CFHR5: variants seen among roughly 807,000 people sequenced by gnomAD.
The protein encoded by CFHR5 is complement factor H-related protein 5.
Under a neutral mutation model 62.9 loss-of-function variants are expected in CFHR5, and 73 were observed. The observed-to-expected ratio is 1.16, with a 90% CI of 0.96 to 1.41. CFHR5 has a LOEUF of 1.41. CFHR5 is among the 40% of genes most tolerant of loss of function. CFHR5 has a pLI of 0.00. For synonymous variants in CFHR5, 249 were observed against 227.2 expected (o/e 1.10, Z -0.86); for missense variants, 779 against 679.9 (o/e 1.15, Z -1.62).
At chr1:196,983,500 T>C (rs1443495005) in intron 2 of CFHR5, among the ~76,000 whole-genome samples, 1 of 152,170 alleles carries the variant, frequency 6.6e-6, no homozygotes, top group Non-Finnish European at 1.5e-5. Flanking sequence ...CAATAAATCA[T>C]TTATTTGGTC....
upstream of CFHR5, among the ~76,000 whole-genome samples, chr1:196,976,699 C>G (rs1244897618): frequency 6.6e-6 from 1 of 151,936 alleles, no homozygotes; most frequent in Non-Finnish European, 1.5e-5. Context: ...TACCAAGACC[C>G]TCACATAGCC....
At chr1:196,991,031 A>T (rs1452953608) in intron 3 of CFHR5, among the ~76,000 whole-genome samples, 1 of 151,130 alleles carries the variant, frequency 6.6e-6, no homozygotes, top group East Asian at 1.9e-4. Flanking sequence ...TTTTTCACAT[A>T]GTCCCATATT....
intron 8 of CFHR5, among the ~76,000 whole-genome samples, chr1:197,003,548 C>G (rs1011837420): frequency 6.6e-6 from 1 of 152,136 alleles, no homozygotes; most frequent in Non-Finnish European, 1.5e-5. Flanking sequence ...TATTACTTGA[C>G]AAAACATCAG....
intron 9 of CFHR5, among the ~76,000 whole-genome samples, chr1:197,006,590 T>C (rs1315078695): frequency 6.6e-6 from 1 of 151,358 alleles, no homozygotes; most frequent in Non-Finnish European, 1.5e-5. Context: ...CACGTGCCTG[T>C]AATCTCAGCT....
Position 196,984,029 on chromosome 1 carries a change from G to T in CFHR5, c.322G>T (p.Asp108Tyr), listed in dbSNP as rs753650925. The change falls in exon 3 of 10, where the codon GAT (aspartate) becomes TAT (tyrosine). Residue 108 changes from aspartate to tyrosine, a missense_variant. Transcript: ENST00000256785. ...ESSGLIHLEG[D>Y]TVQIICNTGY... ...TTCAGGACTAATACATCTGGAAGGT[G>T]ATACTGTACAAATTATTTGCAACAC... 4.4e-5 allele frequency: 71 copies of T among 1,612,584 alleles called. No homozygotes were observed.
Position 196,999,704 on chromosome 1 carries a change from T to TAA in CFHR5, c.1147+1401_1147+1402insAA, listed in dbSNP as rs1558288940. 4.5e-3 allele frequency among the ~76,000 whole-genome samples: 233 copies of TAA among 51,872 alleles called. 3 individuals are homozygous for TAA. The highest frequency in any genetic ancestry group is 0.011 in the African/African-American group (223 of 19,544). 34.0% of individuals were successfully genotyped at this position (51,872 alleles called of 152,430 possible). The stretch of plus-strand genomic sequence containing the variant: ...AAAAGTATATATATATATATATATA[T>TAA]ATATATATATATATATATACACACA... On this transcript the variant is annotated intron_variant, in intron 7 of 9. Transcript: ENST00000256785.
upstream of CFHR5, among the ~76,000 whole-genome samples, chr1:196,975,987 G>A (rs1454484886): frequency 2.6e-5 from 4 of 152,088 alleles, no homozygotes. Flanking sequence ...GAAGAGAATA[G>A]TGAAAAAGTG....
At chr1:196,992,951 A>G (rs1376857651) in intron 3 of CFHR5, among the ~76,000 whole-genome samples, 1 of 152,150 alleles carries the variant, frequency 6.6e-6, no homozygotes, top group Non-Finnish European at 1.5e-5. Flanking sequence ...TGTATGCTTG[A>G]TTTATTCAGA....
chr1:196,984,184 T>G, intron 3 of CFHR5, 47 bp downstream of exon 3: 4 of 1,471,704 alleles, frequency 2.7e-6, no homozygotes, highest in Non-Finnish European at 3.8e-6. Flanking sequence ...TTTAAAGAAA[T>G]AAATCTATAG....
At chr1:197,008,406 C>T in intron 9 of CFHR5, 81 bp from the exon 10 acceptor site, 2 of 751,374 alleles carry the variant, frequency 2.7e-6, no homozygotes, top group Non-Finnish European at 3.9e-6. Flanking sequence ...CCAAAATATT[C>T]TTAAATGCAA....
chr1:196,980,358 C>G (rs1459797046), intron 1 of CFHR5, among the ~76,000 whole-genome samples: 1 of 151,930 alleles, frequency 6.6e-6, no homozygotes, highest in African/African-American at 2.4e-5. Context: ...GTATTGTGTA[C>G]TATACATAAT....
chr1:196,996,623 A>T (rs1387117310), intron 6 of CFHR5, among the ~76,000 whole-genome samples: 1 of 151,998 alleles, frequency 6.6e-6, no homozygotes, highest in Non-Finnish European at 1.5e-5. Flanking sequence ...CTTTTATTTC[A>T]TTGCTTTAAC....
chr1:197,001,188 T>C (rs1157560480), intron 7 of CFHR5, among the ~76,000 whole-genome samples: 1 of 152,152 alleles, frequency 6.6e-6, no homozygotes, highest in Non-Finnish European at 1.5e-5. Context: ...ACGAGTCATA[T>C]AAAACATAAA....
In CFHR5 at chr1:197,006,930, G is replaced by A. The variant is rs1487043920; in HGVS notation, c.1514-1557G>A. 5.3e-5 allele frequency among the ~76,000 whole-genome samples: 8 copies of A among 149,726 alleles called. No homozygotes were observed. In the Admixed American group the frequency reaches 5.4e-4, roughly 10 times the overall value. The stretch of plus-strand genomic sequence containing the variant: ...CGGCTCATTGCAACCTCCGCCTCCT[G>A]GGTTCAAGCGATTCTCCTGCCTCAG... On this transcript the variant is annotated intron_variant, in intron 9 of 9. Transcript: ENST00000256785.
At chr1:196,980,874 AC>A (rs1653525489) in intron 1 of CFHR5, among the ~76,000 whole-genome samples, 1 of 152,258 alleles carries the variant, frequency 6.6e-6, no homozygotes, top group East Asian at 1.9e-4. Context: ...ATATGTAAGT[AC>A]ATATGCATGA....
rs12039272 is a variant in CFHR5, at chr1:196,988,170, T to C, written c.430+4033T>C. Among the ~76,000 whole-genome samples, 436 of 152,292 alleles carry C rather than the reference T, an allele frequency of 2.9e-3. 12 individuals are homozygous for C. In the East Asian group the frequency reaches 0.043, roughly 15 times the overall value. ...TTCACTCATGATTTGGCTCTCTGTC[T>C]GTCTGTTATTGGTGTATAGGAATGC... On this transcript the variant is annotated intron_variant, in intron 3 of 9. Transcript: ENST00000256785.
At chr1:196,990,056 G>T (rs959120095) in intron 3 of CFHR5, among the ~76,000 whole-genome samples, 11 of 152,056 alleles carry the variant, frequency 7.2e-5, no homozygotes, top group African/African-American at 2.6e-4. Flanking sequence ...GGGTTCTCCT[G>T]TTGGGTGCAT....
chr1:196,998,223 C>T lies in CFHR5; in HGVS notation c.1066C>T (p.Arg356Cys), dbSNP rs747163679. Residue 356 changes from arginine (R) to cysteine (C), a missense_variant, in exon 7 of 10, where the codon CGT becomes TGT. Arg to Cys is a radical substitution (Grantham distance 180). Transcript: ENST00000256785. ...GKEFNHNSRI[R>C]YRCSDIFRYR... Reference sequence around the variant, plus strand: ...AGAATTTAATCATAATTCTAGAATACGTTACAGATGTTCAGACATCTTCAG... The same window carrying T: ...AGAATTTAATCATAATTCTAGAATATGTTACAGATGTTCAGACATCTTCAG... 61 of 1,609,364 alleles carry T rather than the reference C, an allele frequency of 3.8e-5. No individual in the cohort carries two copies. The highest frequency in any genetic ancestry group is 1.6e-4 in the Middle Eastern group (1 of 6,064).
chr1:196,983,479 T>G (rs548762274), intron 2 of CFHR5, among the ~76,000 whole-genome samples: 6 of 152,322 alleles, frequency 3.9e-5, no homozygotes, highest in African/African-American at 1.4e-4. Flanking sequence ...GTATTTTAAC[T>G]TTTATATTTT....
Sources: allele counts gnomAD v4.1 joint callset (sites outside exome capture counted in the v4.1 genomes callset), GRCh38; gene constraint gnomAD v4.1.1; transcripts MANE v1.5; gene names NCBI Gene and HGNC (gene_info 2026-07-23, HGNC 2026-07-21).